Variants in DSCAM observed in about 807,000 individuals in gnomAD.
DSCAM encodes cell adhesion molecule DSCAM.
DSCAM carries 47 observed loss-of-function variants against 217.7 expected under a neutral mutation model. That is an observed-to-expected ratio of 0.22 (90% CI 0.17 to 0.28). DSCAM has a LOEUF of 0.28. Among genes scored for constraint, DSCAM ranks in the 10% least tolerant of loss-of-function variants. The probability of loss-of-function intolerance (pLI) is 1.00; values close to 1 mark genes in which losing one functional copy is unlikely to be tolerated. For synonymous variants in DSCAM, 1,056 were observed against 1,015.3 expected (o/e 1.04, Z -0.76); for missense variants, 2,080 against 2,618.3 (o/e 0.79, Z 4.49).
chr21:40,765,101 A>G (rs956430805), intron 1 of DSCAM, among the ~76,000 whole-genome samples: 1 of 65,168 alleles, frequency 1.5e-5, no homozygotes, highest in Non-Finnish European at 2.8e-5. Flanking sequence ...GTATCACAGA[A>G]AAAAAAAAAA....
chr21:40,623,085 A>G (rs1395660873), intron 3 of DSCAM, among the ~76,000 whole-genome samples: 1 of 152,186 alleles, frequency 6.6e-6, no homozygotes, highest in African/African-American at 2.4e-5. Context: ...TTGAAGTAAA[A>G]TGACTCCTGT....
At chr21:40,297,211 CA>C in intron 9 of DSCAM, among the ~76,000 whole-genome samples, 1 of 152,226 alleles carries the variant, frequency 6.6e-6, no homozygotes, top group East Asian at 1.9e-4. Context: ...TGTAAAGAAC[CA>C]TCCCTACCTA....
intron 1 of DSCAM, among the ~76,000 whole-genome samples, chr21:40,761,344 C>A (rs1053864835): frequency 1.3e-5 from 2 of 152,094 alleles, no homozygotes; most frequent in African/African-American, 4.8e-5. Context: ...ATGGCCCCCC[C>A]TCTATTTTCA....
At chr21:40,602,014 C>CCTCATCAAATGAGTT (rs1485210293) in intron 3 of DSCAM, among the ~76,000 whole-genome samples, 2 of 149,584 alleles carry the variant, frequency 1.3e-5, no homozygotes, top group African/African-American at 2.5e-5. Context: ...ATAATACTGG[C>CCTCATCAAATGAGTT]CTCATCAAAT....
At chr21:40,048,629 TTAAAAA>T (rs1193574250) in intron 30 of DSCAM, among the ~76,000 whole-genome samples, 1 of 152,232 alleles carries the variant, frequency 6.6e-6, no homozygotes, top group African/African-American at 2.4e-5. Flanking sequence ...GATGCTTTTC[TTAAAAA>T]TAAAGAATTC....
chr21:40,726,057 CAACA>C (rs2090953098), intron 1 of DSCAM, among the ~76,000 whole-genome samples: 1 of 151,996 alleles, frequency 6.6e-6, no homozygotes, highest in African/African-American at 2.4e-5. Flanking sequence ...GATAACAGAA[CAACA>C]AACATACAGC....
intron 3 of DSCAM, among the ~76,000 whole-genome samples, chr21:40,596,545 T>C (rs1002903555): frequency 2.0e-4 from 31 of 152,156 alleles, no homozygotes; most frequent in Non-Finnish European, 8.8e-5. Flanking sequence ...CTTTCTTAAT[T>C]GGAGAGGTTG....
At chr21:40,819,009 TA>T (rs2091906105) in intron 1 of DSCAM, among the ~76,000 whole-genome samples, 1 of 152,206 alleles carries the variant, frequency 6.6e-6, no homozygotes, top group Admixed American at 6.5e-5. Context: ...TAATAAGCCC[TA>T]CACGGAGCCC....
At chr21:40,450,630 A>G (rs773770689) in intron 3 of DSCAM, among the ~76,000 whole-genome samples, 9 of 152,186 alleles carry the variant, frequency 5.9e-5, no homozygotes, top group African/African-American at 9.6e-5. Flanking sequence ...TTTGCTTGCA[A>G]ATGTTTGAGA....
chr21:40,756,219 C>A (rs967053603), intron 1 of DSCAM, among the ~76,000 whole-genome samples: 3 of 152,124 alleles, frequency 2.0e-5, no homozygotes, highest in Non-Finnish European at 2.9e-5. Flanking sequence ...GCACCTCCCC[C>A]CTCTCTTCCT....
At chr21:40,114,729 C>T (rs917195254) in intron 20 of DSCAM, among the ~76,000 whole-genome samples, 7 of 152,144 alleles carry the variant, frequency 4.6e-5, no homozygotes, top group African/African-American at 1.7e-4. Flanking sequence ...AAAAAACAAA[C>T]AACCCCATCA....
intron 1 of DSCAM, among the ~76,000 whole-genome samples, chr21:40,790,420 C>T (rs938697209): frequency 6.6e-6 from 1 of 152,076 alleles, no homozygotes; most frequent in Non-Finnish European, 1.5e-5. Context: ...TCAAGCTTCT[C>T]GTAGTTAGCT....
intron 16 of DSCAM, among the ~76,000 whole-genome samples, chr21:40,156,336 A>C (rs958153675): frequency 7.5e-6 from 1 of 132,760 alleles, no homozygotes; most frequent in Non-Finnish European, 1.6e-5. Context: ...AGAGAGAGAG[A>C]GAGAAAGGGG....
intron 3 of DSCAM, among the ~76,000 whole-genome samples, chr21:40,474,642 C>G (rs2075918510): frequency 6.6e-6 from 1 of 152,164 alleles, no homozygotes; most frequent in South Asian, 2.1e-4. Context: ...TGGTGCCTCA[C>G]AAAGATCTAA....
intron 8 of DSCAM, among the ~76,000 whole-genome samples, chr21:40,320,557 C>T (rs2074248235): frequency 1.3e-5 from 2 of 152,104 alleles, no homozygotes. Flanking sequence ...TGGATAAAGA[C>T]ATATCCAAGA....
chr21:40,549,143 G>A (rs1231149915), intron 3 of DSCAM, among the ~76,000 whole-genome samples: 3 of 152,128 alleles, frequency 2.0e-5, no homozygotes, highest in African/African-American at 7.2e-5. Flanking sequence ...AGCCGAGATT[G>A]CACCATGGCA....
At chr21:40,306,335 A>C (rs902841223) in intron 9 of DSCAM, among the ~76,000 whole-genome samples, 10 of 150,822 alleles carry the variant, frequency 6.6e-5, no homozygotes, top group Non-Finnish European at 1.5e-4. Context: ...GCTTAAGAAG[A>C]TTTTGGGCTG....
intron 1 of DSCAM, among the ~76,000 whole-genome samples, chr21:40,762,703 A>G (rs1414280862): frequency 6.6e-6 from 1 of 152,234 alleles, no homozygotes; most frequent in Non-Finnish European, 1.5e-5. Flanking sequence ...CATCGATGCA[A>G]AAATCCTCAG....
At chr21:40,587,136 AT>A (rs1038236254) in intron 3 of DSCAM, among the ~76,000 whole-genome samples, 14 of 152,208 alleles carry the variant, frequency 9.2e-5, no homozygotes, top group African/African-American at 3.4e-4. Context: ...TAATAATCTC[AT>A]CAATGAAACA....
Sources: allele counts gnomAD v4.1 joint callset (sites outside exome capture counted in the v4.1 genomes callset), GRCh38; gene constraint gnomAD v4.1.1; transcripts MANE v1.5; gene names NCBI Gene and HGNC (gene_info 2026-07-23, HGNC 2026-07-21).